The following MAST4 variants were observed in gnomAD, a reference collection of about 807,000 sequenced individuals.
MAST4 encodes microtubule-associated serine/threonine-protein kinase 4.
A neutral mutation model predicts 162.7 loss-of-function variants in MAST4; 89 were observed. The ratio of observed to expected loss-of-function variants is 0.55; its 90% CI spans 0.46 to 0.65. MAST4 has a LOEUF of 0.65. Ranked by LOEUF, MAST4 falls within the 30% of genes least tolerant of loss-of-function variation. The pLI is 0.00. For synonymous variants in MAST4, 1,479 were observed against 1,361.1 expected, an observed-to-expected ratio of 1.09 and a Z score of -1.91; for missense variants, 3,153 against 3,374.0, an observed-to-expected ratio of 0.93 and a Z score of 1.62.
intron 4 of MAST4, among the ~76,000 whole-genome samples, chr5:67,050,884 A>ATG (rs1328306504): frequency 2.0e-5 from 3 of 152,166 alleles, no homozygotes; most frequent in African/African-American, 7.2e-5. Context: ...GGTTAGTCTC[A>ATG]TGTTGGGCTT....
Position 67,144,755 on chromosome 5 carries a change from A to G in MAST4, c.2817A>G (p.Pro939=). The change falls in exon 22 of 29, where the codon CCA becomes CCG. Residue 939 remains proline (P), a synonymous_variant. Transcript: ENST00000403625. ...SVDKTKSTTL[P]STETLSWSSE... is the part of the protein sequence containing the mutation. ...ACAAAACCAAAAGCACCACCTTGCC[A>G]TCCACAGAAACACTGAGCTGGAGTT... 1 of 1,613,582 alleles carries G rather than the reference A, an allele frequency of 6.2e-7. No homozygotes were observed. The highest frequency in any genetic ancestry group is 1.1e-5 in the South Asian group (1 of 90,990).
chr5:66,880,450 T>A (rs1284055442), intron 3 of MAST4, among the ~76,000 whole-genome samples: 1 of 152,090 alleles, frequency 6.6e-6, no homozygotes, highest in Non-Finnish European at 1.5e-5. Context: ...AAAAAGTGGG[T>A]TTTTTTAAAC....
intron 4 of MAST4, among the ~76,000 whole-genome samples, chr5:66,946,453 A>G (rs1402730358): frequency 6.6e-6 from 1 of 152,174 alleles, no homozygotes; most frequent in Non-Finnish European, 1.5e-5. Context: ...ATAAATAAAT[A>G]AATGAATTCT....
intron 1 of MAST4, among the ~76,000 whole-genome samples, chr5:66,716,558 C>T (rs1232719094): frequency 3.3e-5 from 5 of 151,510 alleles, no homozygotes; most frequent in East Asian, 1.9e-4. Flanking sequence ...ACAGGGTCTC[C>T]CTATATTACC....
intron 1 of MAST4, among the ~76,000 whole-genome samples, chr5:66,638,260 C>G (rs775218844): frequency 8.5e-5 from 13 of 152,158 alleles, no homozygotes; most frequent in Admixed American, 1.3e-4. Context: ...TGGGAGTGAT[C>G]CCTGCTGTGT....
intron 2 of MAST4, among the ~76,000 whole-genome samples, chr5:66,779,393 C>CTTTTTT (rs57118930): frequency 2.6e-5 from 3 of 116,696 alleles, no homozygotes; most frequent in African/African-American, 6.5e-5. Flanking sequence ...ACACATAGCA[C>CTTTTTT]TTTTTTTTTT....
chr5:66,715,097 C>G (rs1378340348), intron 1 of MAST4, among the ~76,000 whole-genome samples: 10 of 152,168 alleles, frequency 6.6e-5, no homozygotes, highest in Non-Finnish European at 1.3e-4. Flanking sequence ...CCTATATACT[C>G]TTTCCCAAAA....
chr5:67,055,399 A>T (rs985801626), intron 5 of MAST4, among the ~76,000 whole-genome samples: 1 of 152,176 alleles, frequency 6.6e-6, no homozygotes, highest in African/African-American at 2.4e-5. Context: ...TGAAAACTCT[A>T]ATTTGATACT....
intron 16 of MAST4, 42 bp from the exon 17 acceptor site, chr5:67,133,471 CT>C: frequency 6.2e-7 from 1 of 1,602,108 alleles, no homozygotes; most frequent in Non-Finnish European, 8.5e-7. Flanking sequence ...AGATAACCAG[CT>C]TATAAAGTGA....
At chr5:66,907,638 AT>A (rs1763473233) in intron 4 of MAST4, among the ~76,000 whole-genome samples, 1 of 121,460 alleles carries the variant, frequency 8.2e-6, no homozygotes, top group African/African-American at 3.2e-5. Context: ...GTGTGTGTGT[AT>A]TTTTTAAAAA....
chr5:66,852,822 T>C (rs953917410), intron 3 of MAST4, among the ~76,000 whole-genome samples: 1 of 152,218 alleles, frequency 6.6e-6, no homozygotes, highest in African/African-American at 2.4e-5. Flanking sequence ...ATGTAAACTA[T>C]CTTCCCTCCC....
chr5:66,713,496 A>G (rs1328725986), intron 1 of MAST4, among the ~76,000 whole-genome samples: 5 of 152,240 alleles, frequency 3.3e-5, no homozygotes, highest in African/African-American at 1.2e-4. Flanking sequence ...CAAGCAAGAC[A>G]TGAATATATT....
intron 4 of MAST4, among the ~76,000 whole-genome samples, chr5:66,971,603 C>T (rs1747443043): frequency 6.6e-6 from 1 of 152,110 alleles, no homozygotes; most frequent in African/African-American, 2.4e-5. Flanking sequence ...CTTTTCTGGG[C>T]CACATATTGT....
At chr5:66,914,792 C>T (rs1763998834) in intron 4 of MAST4, among the ~76,000 whole-genome samples, 1 of 152,164 alleles carries the variant, frequency 6.6e-6, no homozygotes, top group Non-Finnish European at 1.5e-5. Context: ...ATCTAGAGAC[C>T]TTTTTGGTTG....
chr5:66,982,680 C>T (rs144049589), intron 4 of MAST4, among the ~76,000 whole-genome samples: 1 of 152,192 alleles, frequency 6.6e-6, no homozygotes, highest in Admixed American at 6.5e-5. Context: ...CTTTGACAGC[C>T]TTTTGTTCTC....
At chr5:66,871,631 C>T (rs1760936366) in intron 3 of MAST4, among the ~76,000 whole-genome samples, 1 of 152,226 alleles carries the variant, frequency 6.6e-6, no homozygotes. Context: ...ACGAAGCATT[C>T]ATGAAGCCTG....
chr5:66,774,724 G>A (rs1438427305), intron 2 of MAST4, among the ~76,000 whole-genome samples: 1 of 152,028 alleles, frequency 6.6e-6, no homozygotes, highest in African/African-American at 2.4e-5. Context: ...ATAAAATATG[G>A]GGTATCCAAT....
intron 1 of MAST4, among the ~76,000 whole-genome samples, chr5:66,667,071 G>GC (rs1747309776): frequency 1.3e-5 from 2 of 152,206 alleles, no homozygotes; most frequent in Non-Finnish European, 2.9e-5. Context: ...TGGGCTAAGG[G>GC]GAAGAGCATA....
intron 10 of MAST4, among the ~76,000 whole-genome samples, chr5:67,106,634 A>G (rs1765629118): frequency 6.6e-6 from 1 of 152,180 alleles, no homozygotes; most frequent in East Asian, 1.9e-4. Context: ...CTTCAAATTC[A>G]TACTTTTATG....
Sources: allele counts gnomAD v4.1 joint callset (sites outside exome capture counted in the v4.1 genomes callset), GRCh38; gene constraint gnomAD v4.1.1; transcripts MANE v1.5; gene names NCBI Gene and HGNC (gene_info 2026-07-23, HGNC 2026-07-21).